LRRC40: variants seen among roughly 807,000 people sequenced by gnomAD.
LRRC40 encodes leucine rich repeat containing 40.
A neutral mutation model predicts 72.8 loss-of-function variants in LRRC40; 76 were observed. The ratio of observed to expected loss-of-function variants is 1.04; its 90% CI spans 0.87 to 1.26. The LOEUF (loss-of-function observed/expected upper bound fraction) is 1.26. Ranked by LOEUF, LRRC40 falls within the 50% of genes most tolerant of loss-of-function variation. The pLI is 0.00. For missense variants in LRRC40, 684 were observed against 698.9 expected (o/e 0.98, Z 0.24); for synonymous variants, 243 against 254.2 (o/e 0.96, Z 0.42).
intron 3 of LRRC40, among the ~76,000 whole-genome samples, chr1:70,186,881 T>C (rs951826623): frequency 6.6e-6 from 1 of 152,170 alleles, no homozygotes; most frequent in African/African-American, 2.4e-5. Flanking sequence ...ATTTCATTTA[T>C]GAAAGAATTG....
At chr1:70,180,779 G>A (rs1017882586) in intron 5 of LRRC40, among the ~76,000 whole-genome samples, 5 of 152,122 alleles carry the variant, frequency 3.3e-5, no homozygotes, top group African/African-American at 7.2e-5. Context: ...AGTAAGAGGG[G>A]ACTAACCTCT....
intron 9 of LRRC40, among the ~76,000 whole-genome samples, chr1:70,169,661 T>C (rs1055590172): frequency 2.0e-5 from 3 of 152,112 alleles, no homozygotes; most frequent in African/African-American, 7.2e-5. Flanking sequence ...ATGGCAACTA[T>C]ATGCCAACAA....
chr1:70,205,319 GA>G, intron 1 of LRRC40, 70 bp downstream of exon 1: 1 of 1,423,786 alleles, frequency 7.0e-7, no homozygotes, highest in Non-Finnish European at 9.5e-7. Flanking sequence ...CCAGCCCAGA[GA>G]AAAGGGAGGT....
intron 11 of LRRC40, among the ~76,000 whole-genome samples, chr1:70,155,069 T>A (rs1667608069): frequency 1.3e-5 from 2 of 152,294 alleles, no homozygotes; most frequent in Middle Eastern, 3.4e-3. Flanking sequence ...AGATAACAAA[T>A]GTTTTTTAAA....
At chr1:70,194,818 T>C (rs1571493951) in intron 1 of LRRC40, among the ~76,000 whole-genome samples, 1 of 152,306 alleles carries the variant, frequency 6.6e-6, no homozygotes, top group East Asian at 1.9e-4. Flanking sequence ...ATTCCAAGTC[T>C]GACCATGAAG....
intron 2 of LRRC40, 137 bp downstream of exon 2, chr1:70,188,955 T>C (rs1409231503): frequency 3.0e-6 from 2 of 666,122 alleles, no homozygotes; most frequent in Admixed American, 3.2e-5. Flanking sequence ...TTAACCATTA[T>C]GCTATGCCTA....
Position 70,145,181 on chromosome 1 carries a change from C to G in LRRC40, c.*619G>C, listed in dbSNP as rs1347314794. 6.6e-6 allele frequency: 1 copy of G among 152,102 alleles called. No homozygotes were observed. Among genetic ancestry groups the G allele is most frequent in the Non-Finnish European group, 1.5e-5 (1 of 68,008 alleles). 9.4% of individuals were successfully genotyped at this position (152,102 alleles called of 1,614,324 possible). On this transcript the variant is annotated 3_prime_UTR_variant, in exon 15 of 15. Transcript: ENST00000370952. ...AAATGTGTACTGAGATTAGCCATAT[C>G]ACAAAAGTCCTATCATGGGTAATGA...
intron 3 of LRRC40, among the ~76,000 whole-genome samples, chr1:70,186,084 G>A (rs1436330728): frequency 2.6e-5 from 4 of 152,118 alleles, no homozygotes; most frequent in Non-Finnish European, 2.9e-5. Context: ...TGTTAAGTCG[G>A]TTACTGTTAT....
intron 7 of LRRC40, among the ~76,000 whole-genome samples, chr1:70,174,572 T>A (rs150601653): frequency 6.6e-6 from 1 of 152,064 alleles, no homozygotes; most frequent in Non-Finnish European, 1.5e-5. Context: ...CTGCGGTATA[T>A]CTATCTCTGT....
At chr1:70,156,961 C>G (rs2100243864) in intron 10 of LRRC40, among the ~76,000 whole-genome samples, 1 of 152,276 alleles carries the variant, frequency 6.6e-6, no homozygotes, top group Middle Eastern at 3.4e-3. Context: ...ATATAGAACT[C>G]TAACATTTGC....
intron 9 of LRRC40, among the ~76,000 whole-genome samples, chr1:70,171,348 T>C (rs988856212): frequency 6.6e-6 from 1 of 151,598 alleles, no homozygotes; most frequent in Non-Finnish European, 1.5e-5. Flanking sequence ...AAATTGGACT[T>C]GCTCAAAATT....
intron 9 of LRRC40, 57 bp from the exon 10 acceptor site, chr1:70,159,495 A>G: frequency 1.3e-6 from 1 of 754,426 alleles, no homozygotes; most frequent in Non-Finnish European, 2.3e-6. Flanking sequence ...CATTGTTAAA[A>G]TTCTTGATAA....
At chr1:70,197,615 A>G (rs1213109895) in intron 1 of LRRC40, among the ~76,000 whole-genome samples, 1 of 149,706 alleles carries the variant, frequency 6.7e-6, no homozygotes, top group East Asian at 2.0e-4. Flanking sequence ...TTTTAAGCAA[A>G]CTGTCTTACT....
At chr1:70,167,240 A>AAG (rs1667901611) in intron 9 of LRRC40, among the ~76,000 whole-genome samples, 2 of 151,688 alleles carry the variant, frequency 1.3e-5, no homozygotes, top group South Asian at 2.1e-4. Flanking sequence ...TAAAAAAAAA[A>AAG]AAAAAAAGAA....
intron 9 of LRRC40, among the ~76,000 whole-genome samples, chr1:70,162,962 T>A (rs149476790): frequency 2.7e-4 from 41 of 152,330 alleles, no homozygotes; most frequent in African/African-American, 9.6e-4. Flanking sequence ...CTTAGTGACT[T>A]AAAACACACA....
intron 5 of LRRC40, among the ~76,000 whole-genome samples, chr1:70,179,677 T>C (rs1261002035): frequency 6.6e-6 from 1 of 152,170 alleles, no homozygotes; most frequent in African/African-American, 2.4e-5. Context: ...TCAACTTAAG[T>C]TGAGATGTTC....
At chr1:70,173,441 A>G (rs754146529) in intron 9 of LRRC40, 24 bp downstream of exon 9, 2 of 1,534,986 alleles carry the variant, frequency 1.3e-6, no homozygotes, top group East Asian at 4.5e-5. Context: ...ATCCTTCAAA[A>G]TATAAGAGAA....
intron 1 of LRRC40, among the ~76,000 whole-genome samples, chr1:70,202,164 T>C (rs1288556367): frequency 6.6e-6 from 1 of 152,136 alleles, no homozygotes; most frequent in Non-Finnish European, 1.5e-5. Context: ...CATAGTCTCT[T>C]ATATGATCCA....
At chr1:70,167,260 A>G in intron 9 of LRRC40, among the ~76,000 whole-genome samples, 1 of 151,806 alleles carries the variant, frequency 6.6e-6, no homozygotes, top group African/African-American at 2.4e-5. Flanking sequence ...AAAAAGAAAA[A>G]GGTCAAGGAG....
Sources: allele counts gnomAD v4.1 joint callset (sites outside exome capture counted in the v4.1 genomes callset), GRCh38; gene constraint gnomAD v4.1.1; transcripts MANE v1.5; gene names NCBI Gene and HGNC (gene_info 2026-07-23, HGNC 2026-07-21).